DNAJB6: variants seen among roughly 807,000 people sequenced by gnomAD.
DNAJB6 encodes dnaJ homolog subfamily B member 6.
Under a neutral mutation model 42.7 loss-of-function variants are expected in DNAJB6, and 16 were observed. The ratio of observed to expected loss-of-function variants is 0.37; its 90% CI spans 0.25 to 0.57. DNAJB6 has a LOEUF of 0.57. Among genes scored for constraint, DNAJB6 ranks in the 20% least tolerant of loss-of-function variants. The pLI, the probability that DNAJB6 is intolerant of heterozygous loss-of-function variation, is 0.74. For synonymous variants in DNAJB6, 170 were observed against 163.5 expected (o/e 1.04, Z -0.30); for missense variants, 347 against 416.8 (o/e 0.83, Z 1.46).
At chr7:157,386,273 A>G in intron 8 of DNAJB6, 4 of 984,932 alleles carry the variant, frequency 4.1e-6, no homozygotes, top group Non-Finnish European at 4.8e-6. Context: ...AAAAAAAAAA[A>G]AAGAAAATAA....
chr7:157,403,644 C>A (rs1246656616), intron 8 of DNAJB6, among the ~76,000 whole-genome samples: 2 of 151,736 alleles, frequency 1.3e-5, no homozygotes, highest in Non-Finnish European at 2.9e-5. Context: ...GCTGTAGCCA[C>A]CTTCTTTAGG....
chr7:157,396,018 G>A (rs955387734), intron 8 of DNAJB6, among the ~76,000 whole-genome samples: 1 of 151,068 alleles, frequency 6.6e-6, no homozygotes, highest in Non-Finnish European at 1.5e-5. Flanking sequence ...AGTGAACTCG[G>A]CTCACTGCAA....
chr7:157,405,307 AGTT>A lies in DNAJB6; in HGVS notation c.692-4485_692-4483del, dbSNP rs1795725389. 6.6e-5 allele frequency among the ~76,000 whole-genome samples: 10 copies of A among 152,024 alleles called. 1 individual carries two copies. The South Asian group carries it at 2.1e-3, about 32-fold the overall frequency. On this transcript the variant is annotated intron_variant, in intron 8 of 9. Transcript: ENST00000262177. ...GGGTGTTGCTGTGGGAAGTGTGCTG[AGTT>A]GTGTGTTCCTCGGCCCTCTGTGTGG...
chr7:157,371,608 A>G (rs1800215090), intron 5 of DNAJB6, among the ~76,000 whole-genome samples: 1 of 152,272 alleles, frequency 6.6e-6, no homozygotes. Flanking sequence ...GGAGGGGTAC[A>G]ATCAAAACTG....
intron 2 of DNAJB6, among the ~76,000 whole-genome samples, chr7:157,360,005 AGTAAT>A (rs1452771578): frequency 5.9e-5 from 9 of 152,234 alleles, no homozygotes; most frequent in Non-Finnish European, 2.9e-5. Flanking sequence ...TATTCTTATC[AGTAAT>A]GTTAACAGCC....
chr7:157,344,771 A>C (rs1798599233), intron 1 of DNAJB6, among the ~76,000 whole-genome samples: 1 of 151,770 alleles, frequency 6.6e-6, no homozygotes, highest in African/African-American at 2.4e-5. Flanking sequence ...ACACTGCCAC[A>C]CCCTACTGAG....
intron 1 of DNAJB6, among the ~76,000 whole-genome samples, chr7:157,349,610 G>C (rs1798867355): frequency 6.6e-6 from 1 of 152,026 alleles, no homozygotes; most frequent in African/African-American, 2.4e-5. Flanking sequence ...AGCCTCCCGA[G>C]TAGCTGGGAC....
intron 2 of DNAJB6, among the ~76,000 whole-genome samples, chr7:157,360,402 G>C (rs1013103406): frequency 2.6e-5 from 4 of 152,204 alleles, no homozygotes; most frequent in African/African-American, 9.7e-5. Flanking sequence ...TACAACTCAA[G>C]TTGAGATTTG....
chr7:157,340,687 T>C (rs984953604), intron 1 of DNAJB6, among the ~76,000 whole-genome samples: 2 of 152,186 alleles, frequency 1.3e-5, no homozygotes, highest in Admixed American at 6.5e-5. Context: ...GACTGACTGA[T>C]TTACTTGAGA....
chr7:157,367,573 AT>A, intron 5 of DNAJB6, 90 bp downstream of exon 5: 2 of 880,806 alleles, frequency 2.3e-6, no homozygotes, highest in Non-Finnish European at 3.8e-6. Context: ...TTAACATTGT[AT>A]TTTAGGCTGG....
At chr7:157,399,834 A>G (rs1801765283) in intron 8 of DNAJB6, among the ~76,000 whole-genome samples, 1 of 151,990 alleles carries the variant, frequency 6.6e-6, no homozygotes, top group South Asian at 2.1e-4. Context: ...ACCCCTGGCT[A>G]ACTTTTGTAT....
At chr7:157,360,175 A>G (rs1040316474) in intron 2 of DNAJB6, among the ~76,000 whole-genome samples, 3 of 152,234 alleles carry the variant, frequency 2.0e-5, no homozygotes, top group Non-Finnish European at 2.9e-5. Flanking sequence ...ACAGTTCCAC[A>G]TGGCTGGGGA....
chr7:157,342,105 G>C (rs1343062597), intron 1 of DNAJB6, among the ~76,000 whole-genome samples: 2 of 152,088 alleles, frequency 1.3e-5, no homozygotes, highest in Non-Finnish European at 2.9e-5. Flanking sequence ...TGATCCACCT[G>C]CTTTGGCCTC....
At chr7:157,339,506 TAGCC>T (rs1368712107) in intron 1 of DNAJB6, among the ~76,000 whole-genome samples, 1 of 151,696 alleles carries the variant, frequency 6.6e-6, no homozygotes, top group Non-Finnish European at 1.5e-5. Flanking sequence ...TTCACCGTGT[TAGCC>T]AGGATGGTCT....
chr7:157,410,430 C>T (rs561818947), intron 9 of DNAJB6: 26 of 309,754 alleles, frequency 8.4e-5, no homozygotes, highest in East Asian at 1.0e-4. Context: ...CCTTCTTCTG[C>T]GCTGGGTGCA....
intron 3 of DNAJB6, among the ~76,000 whole-genome samples, chr7:157,365,798 G>A (rs1799813166): frequency 6.6e-6 from 1 of 152,150 alleles, no homozygotes; most frequent in South Asian, 2.1e-4. Flanking sequence ...CTGAGTAGCT[G>A]GGATCACAGG....
intron 5 of DNAJB6, among the ~76,000 whole-genome samples, chr7:157,376,011 T>A (rs1459458130): frequency 1.3e-5 from 2 of 152,174 alleles, no homozygotes; most frequent in Non-Finnish European, 2.9e-5. Flanking sequence ...AGCAGGCCTC[T>A]CCTGGGCCGC....
intron 1 of DNAJB6, among the ~76,000 whole-genome samples, chr7:157,339,620 T>G (rs1798243759): frequency 9.5e-6 from 1 of 105,592 alleles, no homozygotes; most frequent in Non-Finnish European, 2.1e-5. Context: ...TGTGTGTGTG[T>G]GTGTGTGTGT....
At chr7:157,359,845 C>T (rs578085472) in intron 2 of DNAJB6, among the ~76,000 whole-genome samples, 3 of 152,246 alleles carry the variant, frequency 2.0e-5, no homozygotes, top group East Asian at 3.9e-4. Context: ...GGATGGCTGA[C>T]GTTGCCTGAA....
Sources: allele counts gnomAD v4.1 joint callset (sites outside exome capture counted in the v4.1 genomes callset), GRCh38; gene constraint gnomAD v4.1.1; transcripts MANE v1.5; gene names NCBI Gene and HGNC (gene_info 2026-07-23, HGNC 2026-07-21).